Variants in PHACTR1 observed in about 807,000 individuals in gnomAD.
The protein encoded by PHACTR1 is RPEL repeat containing 1.
Under a neutral mutation model 69.2 loss-of-function variants are expected in PHACTR1, and 16 were observed. The observed-to-expected ratio is 0.23, with a 90% CI of 0.16 to 0.35. PHACTR1 has a LOEUF of 0.35. PHACTR1 is among the 10% of genes least tolerant of loss of function. The pLI is 1.00. For missense variants in PHACTR1, 510 were observed against 734.7 expected (o/e 0.69, Z 3.54); for synonymous variants, 312 against 284.5 (o/e 1.10, Z -0.97).
At chr6:12,947,225 T>C (rs1790780400) in intron 4 of PHACTR1, among the ~76,000 whole-genome samples, 1 of 152,202 alleles carries the variant, frequency 6.6e-6, no homozygotes, top group African/African-American at 2.4e-5. Flanking sequence ...GCCAAGTTCT[T>C]TCTGCTAGAT....
At chr6:12,825,784 C>T (rs1024495309) in intron 4 of PHACTR1, among the ~76,000 whole-genome samples, 2 of 152,174 alleles carry the variant, frequency 1.3e-5, no homozygotes, top group South Asian at 2.1e-4. Flanking sequence ...GTCTCATTCT[C>T]ATCTGCTAGG....
chr6:13,230,058 G>A lies in PHACTR1; in HGVS notation c.1256G>A (p.Cys419Tyr), dbSNP rs1468591163. The part of the protein sequence containing the change: ...LYTSSLAMKV[C>Y]RKDSLAIKLS... ...ACAGGCTCCCTGGCCATGAAGGTCT[G>A]CAGGAAGGACTCCTTAGCCATCAAA... Residue 419 changes from cysteine (C) to tyrosine (Y), a missense_variant, in exon 10 of 15, where the codon TGC (cysteine) becomes TAC (tyrosine). Around this residue, in one of 2 missense-constraint regions of PHACTR1, gnomAD observed 419 missense variants for 530.9 expected, o/e 0.79. Transcript: ENST00000332995. 6.2e-7 allele frequency: 1 copy of A among 1,610,522 alleles called. No homozygotes were observed. Among genetic ancestry groups the A allele is most frequent in the African/African-American group, 1.3e-5 (1 of 74,834 alleles).
chr6:12,908,872 G>A lies in PHACTR1; in HGVS notation c.251-144493G>A, dbSNP rs7765360. 9.2e-3 allele frequency among the ~76,000 whole-genome samples: 1,398 copies of A among 152,284 alleles called. 27 individuals are homozygous for A. Among genetic ancestry groups the A allele is most frequent in the African/African-American group, 0.032 (1,320 of 41,558 alleles). On this transcript the variant is annotated intron_variant, in intron 4 of 14. Transcript: ENST00000332995. ...AGGTTTGCTTGACAACATGAGAACC[G>A]CTTTCCTGCTAGCCATAAAGAACCA...
At chr6:12,858,813 C>G (rs547466573) in intron 4 of PHACTR1, among the ~76,000 whole-genome samples, 1 of 151,912 alleles carries the variant, frequency 6.6e-6, no homozygotes, top group Admixed American at 6.6e-5. Flanking sequence ...TACATACACA[C>G]ACACACACAC....
At chr6:13,170,802 C>A (rs1385332056) in intron 6 of PHACTR1, among the ~76,000 whole-genome samples, 1 of 152,120 alleles carries the variant, frequency 6.6e-6, no homozygotes, top group Non-Finnish European at 1.5e-5. Flanking sequence ...ACCCCAGGAC[C>A]CTAGACTGCT....
chr6:13,049,512 C>T (rs947504784), intron 4 of PHACTR1, among the ~76,000 whole-genome samples: 2 of 152,156 alleles, frequency 1.3e-5, no homozygotes, highest in Non-Finnish European at 2.9e-5. Context: ...ATTTTAAAAA[C>T]TTCACTTTTG....
intron 3 of PHACTR1, among the ~76,000 whole-genome samples, chr6:12,731,615 A>T (rs1459319482): frequency 6.6e-6 from 1 of 152,210 alleles, no homozygotes; most frequent in Non-Finnish European, 1.5e-5. Context: ...TTATTATCTC[A>T]TTTTATCTAT....
At chr6:12,879,933 T>C (rs1291138335) in intron 4 of PHACTR1, among the ~76,000 whole-genome samples, 1 of 152,184 alleles carries the variant, frequency 6.6e-6, no homozygotes, top group Non-Finnish European at 1.5e-5. Context: ...GTTATACACA[T>C]ATCTAATAAT....
At chr6:13,228,910 C>T (rs1424552677) in intron 9 of PHACTR1, among the ~76,000 whole-genome samples, 1 of 152,234 alleles carries the variant, frequency 6.6e-6, no homozygotes, top group Non-Finnish European at 1.5e-5. Context: ...AAGAAAAGCA[C>T]TACTCAATCA....
intron 4 of PHACTR1, among the ~76,000 whole-genome samples, chr6:12,984,179 C>T (rs1306127513): frequency 6.6e-6 from 1 of 152,206 alleles, no homozygotes; most frequent in African/African-American, 2.4e-5. Context: ...TAAAAGTGTT[C>T]CGATTTCTCC....
intron 5 of PHACTR1, among the ~76,000 whole-genome samples, chr6:13,085,577 G>T (rs950214890): frequency 1.3e-5 from 2 of 152,012 alleles, no homozygotes; most frequent in Non-Finnish European, 2.9e-5. Flanking sequence ...TAACTTTATA[G>T]TCTTAAAATA....
chr6:12,987,085 G>T lies in PHACTR1; in HGVS notation c.251-66280G>T, dbSNP rs1166206300. Among the ~76,000 whole-genome samples the T allele has an allele frequency of 2.0e-5, 3 of 152,124 alleles. No homozygotes were observed. In the South Asian group the frequency reaches 6.2e-4, roughly 32 times the overall value. On this transcript the variant is annotated intron_variant, in intron 4 of 14. Transcript: ENST00000332995. The stretch of plus-strand genomic sequence containing the variant: ...TCTATATATGTATACACATATAAGT[G>T]TATATGATTTTAAAAGAAATGTAAT...
intron 7 of PHACTR1, among the ~76,000 whole-genome samples, chr6:13,183,311 A>G (rs766717755): frequency 6.6e-6 from 1 of 152,178 alleles, no homozygotes; most frequent in Non-Finnish European, 1.5e-5. Flanking sequence ...GTCCCTCCTG[A>G]CAGCTAATGA....
intron 14 of PHACTR1, 107 bp from the exon 15 acceptor site, chr6:13,286,956 C>A: frequency 1.7e-6 from 2 of 1,210,340 alleles, no homozygotes; most frequent in Non-Finnish European, 2.4e-6. Context: ...GGGAAGCTCG[C>A]ACCTCCCTCT....
rs144726759 is a variant in PHACTR1, at chr6:13,146,977, G to A, written c.416-13227G>A. Among the ~76,000 whole-genome samples the A allele has an allele frequency of 4.7e-3, 715 of 152,266 alleles. 11 individuals carry two copies. Among genetic ancestry groups the A allele is most frequent in the African/African-American group, 0.016 (667 of 41,554 alleles). ...ACAAGCAAGCCCCAGAGCATTGAGC[G>A]TTTGTGTCTAACATCAACACTTTCA... On this transcript the variant is annotated intron_variant, in intron 5 of 14. Coordinates refer to ENST00000332995, the MANE Select transcript of PHACTR1 (RefSeq NM_030948.6).
chr6:12,847,959 TA>T (rs1430291815), intron 4 of PHACTR1, among the ~76,000 whole-genome samples: 2 of 152,218 alleles, frequency 1.3e-5, no homozygotes, highest in African/African-American at 2.4e-5. Context: ...TATTATCTTT[TA>T]TTTGAACTTT....
intron 4 of PHACTR1, among the ~76,000 whole-genome samples, chr6:12,964,523 C>T (rs921059793): frequency 2.0e-5 from 3 of 152,080 alleles, no homozygotes; most frequent in Admixed American, 6.6e-5. Flanking sequence ...GGGGAAGGCA[C>T]GCCTGGAGTG....
chr6:12,830,161 T>G (rs1777374970), intron 4 of PHACTR1, among the ~76,000 whole-genome samples: 1 of 104,482 alleles, frequency 9.6e-6, no homozygotes, highest in Admixed American at 8.9e-5. Flanking sequence ...AAGAAAGACA[T>G]CTTCACTTTA....
At chr6:13,165,295 G>A (rs571797477) in intron 6 of PHACTR1, among the ~76,000 whole-genome samples, 1 of 152,202 alleles carries the variant, frequency 6.6e-6, no homozygotes, top group East Asian at 1.9e-4. Flanking sequence ...TCTATAGTTC[G>A]ACAGTTTATT....
Sources: gnomAD v4.1 joint callset for allele counts (sites outside exome capture counted in the v4.1 genomes callset) on GRCh38, gnomAD v4.1.1 for gene constraint, gnomAD v4.1.1 regional missense constraint, MANE v1.5 for transcripts, NCBI Gene and HGNC (gene_info 2026-07-23, HGNC 2026-07-21) for gene names.